PLA2R1: variants seen among roughly 807,000 people sequenced by gnomAD.
PLA2R1 encodes secretory phospholipase A2 receptor.
In PLA2R1, 158 loss-of-function variants were observed where a neutral mutation model predicts 195.9. The observed-to-expected ratio is 0.81, with a 90% confidence interval of 0.71 to 0.92. The LOEUF (loss-of-function observed/expected upper bound fraction) is 0.92, where lower values mean the gene tolerates loss of function less well. PLA2R1 is among the 40% of genes least tolerant of loss of function. The pLI is 0.00. For synonymous variants in PLA2R1, 586 were observed against 598.2 expected (o/e 0.98, Z 0.30); for missense variants, 1,626 against 1,764.6 (o/e 0.92, Z 1.41).
At chr2:159,926,118 G>A in the PLA2R1 span, among the ~76,000 whole-genome samples, 2 of 152,224 alleles carry the variant, frequency 1.3e-5, no homozygotes. Context: ...ACAAAGCACT[G>A]AAGCGGAAGC....
intron 6 of PLA2R1, 133 bp from the exon 7 acceptor site, chr2:160,022,992 T>A: frequency 1.6e-6 from 1 of 625,694 alleles, no homozygotes; most frequent in South Asian, 2.2e-5. Context: ...ATGACATATA[T>A]CATGGAATTC....
intron 11 of PLA2R1, among the ~76,000 whole-genome samples, chr2:159,988,445 T>C (rs1031902869): frequency 6.6e-6 from 1 of 152,078 alleles, no homozygotes; most frequent in Non-Finnish European, 1.5e-5. Flanking sequence ...GCAATTCTAA[T>C]AAATATAATG....
chr2:159,988,556 G>T (rs189972461), intron 11 of PLA2R1, among the ~76,000 whole-genome samples: 1 of 152,338 alleles, frequency 6.6e-6, no homozygotes, highest in East Asian at 1.9e-4. Flanking sequence ...TTTGCAGGAA[G>T]TGACATTTGA....
intron 27 of PLA2R1, chr2:159,946,581 T>C (rs1687399367): frequency 8.0e-7 from 1 of 1,242,266 alleles, no homozygotes; most frequent in Non-Finnish European, 1.0e-6. Context: ...AAACATGTTA[T>C]TGTTTGTTTT....
In PLA2R1 at chr2:159,946,841, A is replaced by G; in HGVS notation, c.3927T>C (p.Ser1309=). Residue 1309 remains serine (S), a synonymous_variant, in exon 27 of 30, where the codon TCT becomes TCC. Coordinates refer to ENST00000283243, the MANE Select transcript of PLA2R1 (RefSeq NM_007366.5). ...GAGCATTCAACCAAACCATCTGGACAGAAGAACCAAAAGCAAACAGCTCTT... is the reference window on the plus strand; with the variant it reads ...GAGCATTCAACCAAACCATCTGGACGGAAGAACCAAAAGCAAACAGCTCTT... ...LLEELFAFGS[S]VQMVWLNAQF... is the part of the protein sequence containing the mutation. 6.2e-7 allele frequency: 1 copy of G among 1,611,330 alleles called. No individual in the cohort carries two copies. The highest frequency in any genetic ancestry group is 2.2e-5 in the East Asian group (1 of 44,774).
At chr2:160,055,729 G>A (rs144482959) in intron 1 of PLA2R1, among the ~76,000 whole-genome samples, 1 of 152,084 alleles carries the variant, frequency 6.6e-6, no homozygotes, top group African/African-American at 2.4e-5. Flanking sequence ...GTAAAAGAAG[G>A]GTATGTATTA....
intron 20 of PLA2R1, 24 bp downstream of exon 20, chr2:159,967,515 G>A: frequency 1.2e-6 from 2 of 1,600,282 alleles, no homozygotes; most frequent in Non-Finnish European, 1.7e-6. Flanking sequence ...AGAAACAAAG[G>A]CAACTTTTGA....
At chr2:159,987,070 C>G in intron 12 of PLA2R1, 86 bp downstream of exon 12, 1 of 1,037,796 alleles carries the variant, frequency 9.6e-7, no homozygotes, top group Non-Finnish European at 1.5e-6. Flanking sequence ...AAAAAAAGGG[C>G]CCCGGAATAA....
At chr2:159,928,298 GGT>G (rs1169277076), downstream of PLA2R1, among the ~76,000 whole-genome samples, 14 of 152,258 alleles carry the variant, frequency 9.2e-5, no homozygotes, top group Admixed American at 6.5e-4. Flanking sequence ...CCCCCTTTCT[GGT>G]GAGACTGCCC....
At chr2:159,950,783 G>A (rs1687685972) in intron 24 of PLA2R1, among the ~76,000 whole-genome samples, 1 of 152,170 alleles carries the variant, frequency 6.6e-6, no homozygotes, top group Non-Finnish European at 1.5e-5. Flanking sequence ...ACATTAGGGA[G>A]TAGAACTAGG....
At chr2:159,926,861 T>G in the PLA2R1 span, among the ~76,000 whole-genome samples, 11 of 152,254 alleles carry the variant, frequency 7.2e-5, no homozygotes, top group African/African-American at 2.6e-4. Context: ...TGGAAAACAC[T>G]GAAGCTATGG....
intron 4 of PLA2R1, among the ~76,000 whole-genome samples, chr2:160,032,287 T>C (rs373331777): frequency 2.4e-4 from 36 of 152,320 alleles, no homozygotes; most frequent in African/African-American, 6.7e-4. Context: ...TCAAAAACTG[T>C]TAATGAAAGT....
rs370035673 is a variant in PLA2R1 at position 160,041,975 on chromosome 2, T to C, written c.667+50A>G. The C allele has an allele frequency of 9.8e-6, 14 of 1,423,436 alleles. 1 individual carries two copies. The African/African-American group carries it at 9.9e-5, about 10-fold the overall frequency. The allele number at this position is 1,423,436 out of a possible 1,614,324, so 88.2% of individuals were successfully genotyped here. The stretch of plus-strand genomic sequence containing the variant: ...TGTTTAGATACAGATAACTTTCTAA[T>C]CATCTTTGATTCATTCATGACATAT... On this transcript the variant is annotated intron_variant, in intron 3 of 29. Transcript: ENST00000283243.
At chr2:159,949,876 T>G in intron 24 of PLA2R1, 100 bp from the exon 25 acceptor site, 1 of 876,170 alleles carries the variant, frequency 1.1e-6, no homozygotes, top group Non-Finnish European at 1.8e-6. Context: ...GATTGCTATT[T>G]CTGCACACCT....
chr2:159,933,234 G>A lies in PLA2R1; in HGVS notation c.*8544C>T, dbSNP rs986185933. 7 of 152,106 alleles carry A rather than the reference G, an allele frequency of 4.6e-5. No homozygotes were observed. The highest frequency in any genetic ancestry group is 1.0e-4 in the Non-Finnish European group (7 of 68,018). The allele number at this position is 152,106 out of a possible 1,614,324, so 9.4% of individuals were successfully genotyped here. ...AAAGAAGGTCACCGGTATACATAGG[G>A]TTCATTTTGTGGTTTTAGTTATTGG... On this transcript the variant is annotated 3_prime_UTR_variant, in exon 30 of 30. Coordinates refer to ENST00000283243, the MANE Select transcript of PLA2R1 (RefSeq NM_007366.5).
At chr2:159,924,731 G>GC in the PLA2R1 span, among the ~76,000 whole-genome samples, 2 of 59,958 alleles carry the variant, frequency 3.3e-5, no homozygotes, top group Non-Finnish European at 4.2e-5. Flanking sequence ...CTGGGGGCTG[G>GC]GGGGGGGGCG....
At chr2:159,955,586 T>A (rs1053688981) in intron 22 of PLA2R1, 112 bp downstream of exon 22, 8 of 431,714 alleles carry the variant, frequency 1.9e-5, no homozygotes, top group African/African-American at 1.6e-4. Flanking sequence ...AATAAAAAAC[T>A]AATATAAATT....
chr2:160,002,415 T>C (rs993611345), intron 11 of PLA2R1, among the ~76,000 whole-genome samples: 3 of 152,056 alleles, frequency 2.0e-5, no homozygotes, highest in African/African-American at 7.2e-5. Flanking sequence ...GTTTACTGTA[T>C]ATATAGTTCT....
At chr2:159,965,639 A>C (rs941097906) in intron 20 of PLA2R1, among the ~76,000 whole-genome samples, 1 of 152,128 alleles carries the variant, frequency 6.6e-6, no homozygotes, top group African/African-American at 2.4e-5. Flanking sequence ...TAAGTTTTCA[A>C]CTCCTTTGGG....
Sources: allele counts gnomAD v4.1 joint callset (sites outside exome capture counted in the v4.1 genomes callset), GRCh38; gene constraint gnomAD v4.1.1; transcripts MANE v1.5; gene names NCBI Gene and HGNC (gene_info 2026-07-23, HGNC 2026-07-21).